ATP2A2: variants seen among roughly 807,000 people sequenced by gnomAD.
ATP2A2 encodes ATPase sarcoplasmic/endoplasmic reticulum Ca2+ transporting 2.
In ATP2A2, 14 loss-of-function variants were observed where a neutral mutation model predicts 109.3. The ratio of observed to expected loss-of-function variants is 0.13; its 90% CI spans 0.08 to 0.20. The LOEUF is 0.20. Among genes scored for constraint, ATP2A2 ranks in the 10% least tolerant of loss-of-function variants. ATP2A2 has a pLI of 1.00. For missense variants in ATP2A2, 657 were observed against 1,321.6 expected (o/e 0.50, Z 7.80); for synonymous variants, 506 against 490.9 (o/e 1.03, Z -0.41).
chr12:110,299,689 G>A (rs1874342954), intron 5 of ATP2A2, among the ~76,000 whole-genome samples: 1 of 152,030 alleles, frequency 6.6e-6, no homozygotes, highest in Non-Finnish European at 1.5e-5. Flanking sequence ...GCACCATCAC[G>A]GCTCACTGCA....
intron 11 of ATP2A2, among the ~76,000 whole-genome samples, chr12:110,334,616 T>C (rs1319120300): frequency 7.3e-6 from 1 of 136,856 alleles, no homozygotes; most frequent in Non-Finnish European, 1.5e-5. Flanking sequence ...TGAGACAGAG[T>C]TTCTCTCTGT....
chr12:110,308,029 T>G (rs1324682166), intron 5 of ATP2A2, among the ~76,000 whole-genome samples: 1 of 152,238 alleles, frequency 6.6e-6, no homozygotes, highest in African/African-American at 2.4e-5. Context: ...TTTTTCAATT[T>G]CATTTTCAGA....
In ATP2A2 at chr12:110,346,352, C is replaced by A. The variant is rs376223066; in HGVS notation, c.3011C>A (p.Ser1004Tyr). The A allele has an allele frequency of 6.2e-6, 10 of 1,614,002 alleles. No homozygotes were observed. In the African/African-American group the frequency reaches 8.0e-5, roughly 13 times the overall value. ...GAGTGTGTGCAGCCTGCCACCAAATCCTGCTCGTTCTCGGCATGCACCGAT... is the reference window on the plus strand; with the variant it reads ...GAGTGTGTGCAGCCTGCCACCAAATACTGCTCGTTCTCGGCATGCACCGAT... Reference protein sequence around the residue: ...GKECVQPATKSCSFSACTDGI... With the variant: ...GKECVQPATKYCSFSACTDGI... Residue 1004 changes from serine to tyrosine, a missense_variant, in exon 20 of 20, where the codon TCC becomes TAC. Physicochemically the swap from Ser to Tyr is moderately radical, Grantham distance 144 (BLOSUM62 -2). Around this residue, in one of 9 missense-constraint regions of ATP2A2, gnomAD observed 53 missense variants for 61.2 expected, o/e 0.87. Transcript: ENST00000539276.
intron 16 of ATP2A2, among the ~76,000 whole-genome samples, chr12:110,343,773 T>C (rs1487532221): frequency 6.6e-6 from 1 of 152,180 alleles, no homozygotes; most frequent in Non-Finnish European, 1.5e-5. Flanking sequence ...AATAGATAAT[T>C]GTCACCAAGT....
chr12:110,322,828 C>T (rs1877380345), intron 5 of ATP2A2, among the ~76,000 whole-genome samples, 164 bp from the exon 6 acceptor site: 1 of 152,180 alleles, frequency 6.6e-6, no homozygotes, highest in Non-Finnish European at 1.5e-5. Context: ...TTTATGACTC[C>T]AAGATAGGTT....
intron 1 of ATP2A2, 27 bp downstream of exon 1, chr12:110,281,934 G>A: frequency 6.5e-7 from 1 of 1,532,422 alleles, no homozygotes; most frequent in Non-Finnish European, 8.8e-7. Context: ...CCGCTGCAGG[G>A]GCCCGGCGCG....
intron 5 of ATP2A2, among the ~76,000 whole-genome samples, chr12:110,301,259 A>G (rs1874607971): frequency 6.6e-6 from 1 of 152,180 alleles, no homozygotes; most frequent in Non-Finnish European, 1.5e-5. Context: ...AGTAGATGGC[A>G]ATGGTAGACA....
In ATP2A2 at chr12:110,345,709, C is replaced by A. The variant is rs1006959633; in HGVS notation, c.2742-292C>A. On this transcript the variant is annotated intron_variant, in intron 18 of 19. Coordinates refer to ENST00000539276, the MANE Select transcript of ATP2A2 (RefSeq NM_170665.4). ...GACAAATGGTACCATCCAGTTAAGCCCGTGACAAAAATGGAAATTTCTAAA... is the reference window on the plus strand; with the variant it reads ...GACAAATGGTACCATCCAGTTAAGCACGTGACAAAAATGGAAATTTCTAAA... 5 of 572,128 alleles carry A rather than the reference C, an allele frequency of 8.7e-6. No homozygotes were observed. In the Admixed American group the frequency reaches 1.2e-4, roughly 14 times the overall value. The allele number at this position is 572,128 out of a possible 1,614,324, so 35.4% of individuals were successfully genotyped here. A position where few individuals can be genotyped will look rare whatever the true frequency, so the allele number is the denominator to read the frequency against.
chr12:110,330,259 A>T (rs1264966974), intron 8 of ATP2A2: 2 of 152,178 alleles, frequency 1.3e-5, no homozygotes, highest in African/African-American at 2.4e-5. Flanking sequence ...GATTTTTTAG[A>T]TACAGGTTCT....
At chr12:110,287,192 G>A (rs1350838608) in intron 3 of ATP2A2, among the ~76,000 whole-genome samples, 1 of 152,144 alleles carries the variant, frequency 6.6e-6, no homozygotes, top group Non-Finnish European at 1.5e-5. Context: ...GGCGGATGTT[G>A]CAGTGAGCCG....
intron 3 of ATP2A2, 24 bp downstream of exon 3, chr12:110,282,819 C>G: frequency 1.3e-6 from 2 of 1,575,676 alleles, no homozygotes; most frequent in Non-Finnish European, 1.7e-6. Context: ...AATTTATTTT[C>G]TTTCCCCCCA....
At position 110,339,345 on chromosome 12, in the gene ATP2A2, C is replaced by A; in HGVS notation, c.1484C>A (p.Ser495Ter). 1 of 1,614,000 alleles carries A rather than the reference C, an allele frequency of 6.2e-7. No individual in the cohort carries two copies. Among genetic ancestry groups the A allele is most frequent in the South Asian group, 1.1e-5 (1 of 90,996 alleles). ...LEFSRDRKSM[S>*]VYCTPNKPSR... Reference sequence around the variant, plus strand: ...TTTTCACGTGACAGAAAGTCAATGTCGGTTTACTGTACACCAAATAAACCA... The same window carrying A: ...TTTTCACGTGACAGAAAGTCAATGTAGGTTTACTGTACACCAAATAAACCA... Residue 495 changes from serine to a stop codon, truncating the protein, a stop_gained, in exon 12 of 20, where the codon TCG becomes TAG. Transcript: ENST00000539276. LOFTEE classifies it high-confidence loss of function. This position sits in a 1 kb window ranked among gnomAD's most constrained non-coding sequence, Gnocchi z 4.4.
Position 110,339,881 on chromosome 12 carries a change from T to A in ATP2A2, c.1761+160T>A, listed in dbSNP as rs1399675442. ...CAGCTGTGTCACCCTTAAAATTTGC[T>A]GCTTCAAACATACATAGTTAATAAT... On this transcript the variant is annotated intron_variant, in intron 13 of 19. Coordinates refer to ENST00000539276, the MANE Select transcript of ATP2A2 (RefSeq NM_170665.4). This position sits in a 1 kb window ranked among gnomAD's most constrained non-coding sequence, Gnocchi z 4.4. Among the ~76,000 whole-genome samples, 1 of 152,256 alleles carries A rather than the reference T, an allele frequency of 6.6e-6. No individual in the cohort carries two copies. The highest frequency in any genetic ancestry group is 1.5e-5 in the Non-Finnish European group (1 of 68,044).
In ATP2A2 at chr12:110,334,102, A is replaced by T. The variant is rs1366637227; in HGVS notation, c.1378A>T (p.Lys460Ter). The T allele has an allele frequency of 6.2e-7, 1 of 1,614,098 alleles. No individual in the cohort carries two copies. Among genetic ancestry groups the T allele is most frequent in the Non-Finnish European group, 8.5e-7 (1 of 1,180,022 alleles). ...EKMNVFDTEL[K>*]GLSKIERANA... The stretch of plus-strand genomic sequence containing the variant: ...GATGAATGTATTTGATACCGAATTG[A>T]AGGGTCTTTCTAAAATAGAACGTGC... The change falls in exon 11 of 20, where the codon AAG becomes TAG. Residue 460 changes from lysine to a stop codon, truncating the protein, a stop_gained. Coordinates refer to ENST00000539276, the MANE Select transcript of ATP2A2 (RefSeq NM_170665.4). LOFTEE classifies it high-confidence loss of function.
At chr12:110,319,792 T>A (rs768968653) in intron 5 of ATP2A2, among the ~76,000 whole-genome samples, 1 of 151,958 alleles carries the variant, frequency 6.6e-6, no homozygotes, top group Admixed American at 6.6e-5. Context: ...TGTGTATATA[T>A]ACTAAATATG....
rs371591355 is a variant in ATP2A2 at position 110,340,238 on chromosome 12, T to C, written c.1762-421T>C. Among the ~76,000 whole-genome samples the C allele has an allele frequency of 5.9e-5, 9 of 151,932 alleles. No homozygotes were observed. The East Asian group carries it at 1.5e-3, about 26-fold the overall frequency. On this transcript the variant is annotated intron_variant, in intron 13 of 19. Transcript: ENST00000539276. The surrounding 1 kb of genome is among the most constrained non-coding windows in gnomAD (Gnocchi z 6.0). Reference sequence around the variant, plus strand: ...GGTGTAGTGGTATTTTTTTTTCTCATAAGAAAATGCAAAAACCGCCAGGCA... The same window carrying C: ...GGTGTAGTGGTATTTTTTTTTCTCACAAGAAAATGCAAAAACCGCCAGGCA...
At chr12:110,287,619 G>A (rs931740717) in intron 3 of ATP2A2, among the ~76,000 whole-genome samples, 36 of 151,838 alleles carry the variant, frequency 2.4e-4, no homozygotes, top group African/African-American at 8.2e-4. Flanking sequence ...TTACCTTTTC[G>A]CTGTCTTTTT....
intron 8 of ATP2A2, among the ~76,000 whole-genome samples, chr12:110,328,341 C>T (rs537618201): frequency 1.3e-5 from 2 of 151,548 alleles, no homozygotes; most frequent in South Asian, 2.1e-4. Context: ...GAGGCCGAGG[C>T]GGGTGGATCA....
At chr12:110,335,655 G>T (rs1046370783) in intron 11 of ATP2A2, among the ~76,000 whole-genome samples, 2 of 152,270 alleles carry the variant, frequency 1.3e-5, no homozygotes, top group Non-Finnish European at 2.9e-5. Flanking sequence ...GTGTGGGTCA[G>T]TCGGTCACGT....
Sources: allele counts gnomAD v4.1 joint callset (sites outside exome capture counted in the v4.1 genomes callset), GRCh38; gene constraint gnomAD v4.1.1; regional missense constraint gnomAD v4.1.1; non-coding constraint Gnocchi (gnomAD v3.1); transcripts MANE v1.5; gene names NCBI Gene and HGNC (gene_info 2026-07-23, HGNC 2026-07-21).